The following CREB1 variants were observed in gnomAD, a reference collection of about 807,000 sequenced individuals.
CREB1 encodes cyclic AMP-responsive element-binding protein 1.
A neutral mutation model predicts 42.0 loss-of-function variants in CREB1; 2 were observed. The observed-to-expected ratio is 0.05, with a 90% confidence interval of 0.02 to 0.15. CREB1 has a LOEUF of 0.15. Among genes scored for constraint, CREB1 ranks in the 10% least tolerant of loss-of-function variants. CREB1 has a pLI of 1.00. For missense variants in CREB1, 199 were observed against 388.9 expected (o/e 0.51, Z 4.11); for synonymous variants, 123 against 139.9 (o/e 0.88, Z 0.85).
intron 7 of CREB1, among the ~76,000 whole-genome samples, chr2:207,579,394 T>C (rs2082742747): frequency 6.6e-6 from 1 of 152,138 alleles, no homozygotes; most frequent in Admixed American, 6.5e-5. Flanking sequence ...ATAAATCCTT[T>C]TGATTATAAA....
chr2:207,571,130 C>G (rs886566205), intron 5 of CREB1, among the ~76,000 whole-genome samples: 10 of 143,830 alleles, frequency 7.0e-5, no homozygotes, highest in African/African-American at 2.5e-4. Context: ...CCCCACCCAC[C>G]TTAGTTTCAA....
Position 207,597,273 on chromosome 2 carries a change from A to G in CREB1, c.*215A>G, listed in dbSNP as rs530068453. 1.7e-4 allele frequency: 78 copies of G among 460,732 alleles called. 1 individual carries two copies. The South Asian group carries it at 2.7e-3, about 16-fold the overall frequency. 28.5% of individuals were successfully genotyped at this position (460,732 alleles called of 1,614,324 possible). A position where few individuals can be genotyped will look rare whatever the true frequency, so the allele number is the denominator to read the frequency against. The stretch of plus-strand genomic sequence containing the variant: ...CACTTCTCCCCTCAAGAAATTTTCA[A>G]CGCCAGGAATCATGAAGAGACTTCT... On this transcript the variant is annotated 3_prime_UTR_variant, in exon 8 of 8. Transcript: ENST00000353267.
chr2:207,532,874 G>GC (rs1403292507), intron 1 of CREB1, among the ~76,000 whole-genome samples: 8 of 151,932 alleles, frequency 5.3e-5, no homozygotes, highest in South Asian at 2.1e-4. Flanking sequence ...TCCTGCCCCA[G>GC]CCCCCCGAGT....
chr2:207,530,599 C>G (rs1030826508), intron 1 of CREB1, among the ~76,000 whole-genome samples: 62 of 148,092 alleles, frequency 4.2e-4, no homozygotes, highest in African/African-American at 1.4e-3. Flanking sequence ...CGCCGCCCGC[C>G]TCGCCCCCGG....
chr2:207,588,719 T>C (rs2084351414), intron 7 of CREB1, among the ~76,000 whole-genome samples: 1 of 89,434 alleles, frequency 1.1e-5, no homozygotes, highest in Non-Finnish European at 2.4e-5. Flanking sequence ...AAGTATGAAC[T>C]GTTTTCTGGT....
intron 7 of CREB1, chr2:207,581,580 A>G: frequency 3.7e-6 from 1 of 271,982 alleles, no homozygotes; most frequent in Admixed American, 5.2e-5. Context: ...TACTCAAACC[A>G]GTACAAAGGT....
chr2:207,579,796 C>A (rs970430094), intron 7 of CREB1, among the ~76,000 whole-genome samples: 1 of 152,078 alleles, frequency 6.6e-6, no homozygotes, highest in Non-Finnish European at 1.5e-5. Context: ...ACTAGCATAC[C>A]GCTCATATGT....
At chr2:207,547,650 T>TAAAAATATTATC (rs1404118254) in intron 1 of CREB1, among the ~76,000 whole-genome samples, 1 of 151,934 alleles carries the variant, frequency 6.6e-6, no homozygotes, top group Non-Finnish European at 1.5e-5. Context: ...AGAGATGAGA[T>TAAAAATATTATC]AAAAATATTA....
chr2:207,540,063 T>G (rs2081033388), intron 1 of CREB1, among the ~76,000 whole-genome samples: 2 of 152,210 alleles, frequency 1.3e-5, no homozygotes, highest in South Asian at 4.1e-4. Context: ...TAGACAGAGA[T>G]ATACAGTCAT....
At chr2:207,570,659 T>TA (rs967848842) in intron 5 of CREB1, among the ~76,000 whole-genome samples, 15 of 152,072 alleles carry the variant, frequency 9.9e-5, no homozygotes, top group South Asian at 8.3e-4. Context: ...TTTTTTAGAT[T>TA]AAAAAAAATC....
intron 7 of CREB1, among the ~76,000 whole-genome samples, chr2:207,583,290 A>T (rs2083267535): frequency 6.6e-6 from 1 of 152,182 alleles, no homozygotes; most frequent in Non-Finnish European, 1.5e-5. Flanking sequence ...ATATACTTAA[A>T]TAGGAATACA....
chr2:207,560,539 A>C (rs2081915621), intron 3 of CREB1, among the ~76,000 whole-genome samples, 167 bp downstream of exon 3: 1 of 152,246 alleles, frequency 6.6e-6, no homozygotes, highest in Non-Finnish European at 1.5e-5. Context: ...AGGAACATAT[A>C]TACAGAAGAA....
chr2:207,584,933 T>C (rs2106634465), intron 7 of CREB1, among the ~76,000 whole-genome samples: 1 of 152,314 alleles, frequency 6.6e-6, no homozygotes, highest in Non-Finnish European at 1.5e-5. Context: ...AGGCCCATTT[T>C]ATCAGTTGTG....
chr2:207,540,324 T>C (rs1208126720), intron 1 of CREB1, among the ~76,000 whole-genome samples: 5 of 151,754 alleles, frequency 3.3e-5, no homozygotes, highest in African/African-American at 1.2e-4. Flanking sequence ...TAGGCTAACG[T>C]GTGAATGTCT....
intron 1 of CREB1, among the ~76,000 whole-genome samples, chr2:207,553,295 C>T (rs1200224923): frequency 6.6e-6 from 1 of 151,904 alleles, no homozygotes; most frequent in Non-Finnish European, 1.5e-5. Flanking sequence ...TCTTGAACTC[C>T]TGACCTCAGG....
chr2:207,539,972 G>A (rs367853117), intron 1 of CREB1, among the ~76,000 whole-genome samples: 1 of 152,200 alleles, frequency 6.6e-6, no homozygotes, highest in Non-Finnish European at 1.5e-5. Context: ...TCATGTAAGA[G>A]AAGGTAAGAT....
intron 1 of CREB1, among the ~76,000 whole-genome samples, chr2:207,532,211 C>T (rs1429260216): frequency 1.3e-5 from 2 of 151,090 alleles, no homozygotes; most frequent in African/African-American, 4.9e-5. Flanking sequence ...AAAAATTAGC[C>T]GGGTGTGGTG....
At chr2:207,590,761 C>T (rs2084885240) in intron 7 of CREB1, among the ~76,000 whole-genome samples, 1 of 152,074 alleles carries the variant, frequency 6.6e-6, no homozygotes, top group Admixed American at 6.5e-5. Flanking sequence ...GACTGTGTTC[C>T]AGTAAAACTT....
chr2:207,555,304 C>G (rs2081673215), intron 1 of CREB1, among the ~76,000 whole-genome samples: 1 of 152,104 alleles, frequency 6.6e-6, no homozygotes, highest in African/African-American at 2.4e-5. Context: ...ATTTTGCTAC[C>G]ACTGCACCTC....
Sources: gnomAD v4.1 joint callset for allele counts (sites outside exome capture counted in the v4.1 genomes callset) on GRCh38, gnomAD v4.1.1 for gene constraint, MANE v1.5 for transcripts, NCBI Gene and HGNC (gene_info 2026-07-23, HGNC 2026-07-21) for gene names.